QSER1: variants seen among roughly 807,000 people sequenced by gnomAD.
QSER1 encodes the protein glutamine and serine rich 1, also known as glutamine and serine-rich protein 1.
In QSER1, 49 loss-of-function variants were observed where a neutral mutation model predicts 158.5. The observed-to-expected ratio is 0.31, with a 90% CI of 0.25 to 0.39. The LOEUF is 0.39. QSER1 is among the 10% of genes least tolerant of loss of function. QSER1 has a pLI of 1.00. For missense variants in QSER1, 1,754 were observed against 2,010.3 expected, an observed-to-expected ratio of 0.87 and a Z score of 2.44; for synonymous variants, 650 against 715.5, an observed-to-expected ratio of 0.91 and a Z score of 1.46.
chr11:32,896,121 AC>A, intron 1 of QSER1, among the ~76,000 whole-genome samples: 1 of 152,302 alleles, frequency 6.6e-6, no homozygotes, highest in African/African-American at 2.4e-5. Context: ...AGTTGGAAAT[AC>A]CTTTTGGGGT....
intron 4 of QSER1, among the ~76,000 whole-genome samples, chr11:32,939,864 C>G (rs1003887027): frequency 6.6e-6 from 1 of 151,936 alleles, no homozygotes; most frequent in South Asian, 2.1e-4. Context: ...ATCCCATTCT[C>G]CAGCTCCCTT....
At position 32,933,264 on chromosome 11, in the gene QSER1, C is replaced by G; in HGVS notation, c.2006C>G (p.Pro669Arg). 6.2e-7 allele frequency: 1 copy of G among 1,613,090 alleles called. No individual in the cohort carries two copies. The highest frequency in any genetic ancestry group is 8.5e-7 in the Non-Finnish European group (1 of 1,179,720). Reference sequence around the variant, plus strand: ...ACATTACAAAATAACATAACTTCCCCTGACCCAAAGTCTTATGCTGAAAGA... The same window carrying G: ...ACATTACAAAATAACATAACTTCCCGTGACCCAAAGTCTTATGCTGAAAGA... ...CQTLQNNITS[P>R]DPKSYAERKL... is the part of the protein sequence containing the mutation. The change falls in exon 4 of 13, where the codon CCT becomes CGT. Residue 669 changes from proline (P) to arginine (R), a missense_variant. Pro to Arg is a moderately radical substitution (Grantham distance 103). Transcript: ENST00000650167.
intron 10 of QSER1, 136 bp from the exon 11 acceptor site, chr11:32,973,256 TGCAAA>T: frequency 2.4e-6 from 2 of 817,570 alleles, no homozygotes; most frequent in Non-Finnish European, 4.0e-6. Flanking sequence ...CACACCTCTC[TGCAAA>T]TAGGTGTTTG....
intron 8 of QSER1, among the ~76,000 whole-genome samples, 192 bp downstream of exon 8, chr11:32,958,278 C>T (rs1342281582): frequency 2.0e-5 from 3 of 152,212 alleles, no homozygotes; most frequent in Admixed American, 6.5e-5. Context: ...TTGGCCCACA[C>T]ATGCAGCCTT....
rs114802154 is a variant in QSER1, at chr11:32,957,829, G to A, written c.4752-40G>A. 614 of 1,475,406 alleles carry A rather than the reference G, an allele frequency of 4.2e-4. 2 individuals are homozygous for A. The African/African-American group carries it at 8.0e-3, about 19-fold the overall frequency. 91.4% of individuals were successfully genotyped at this position (1,475,406 alleles called of 1,614,324 possible). A position where few individuals can be genotyped will look rare whatever the true frequency, so the allele number is the denominator to read the frequency against. The stretch of plus-strand genomic sequence containing the variant: ...TTTCTATTTTATTTTAGTTTAACAA[G>A]ATTTCAGTGTGTTAATGAAGTTTGT... On this transcript the variant is annotated intron_variant, in intron 7 of 12. Coordinates refer to ENST00000650167, the MANE Select transcript of QSER1 (RefSeq NM_001076786.3).
intron 1 of QSER1, among the ~76,000 whole-genome samples, chr11:32,910,526 CATAGTTAACA>C (rs1851753193): frequency 6.6e-6 from 1 of 152,142 alleles, no homozygotes; most frequent in South Asian, 2.1e-4. Flanking sequence ...TTTAATACCC[CATAGTTAACA>C]ATAGGTCATG....
At chr11:32,928,530 A>C (rs1466706481) in intron 3 of QSER1, among the ~76,000 whole-genome samples, 4 of 152,180 alleles carry the variant, frequency 2.6e-5, no homozygotes, top group Non-Finnish European at 5.9e-5. Flanking sequence ...CCTTAATTGG[A>C]TAGATTAAAT....
rs531558846 is a variant in QSER1, at chr11:32,960,645, T to C, written c.4969+2559T>C. Among the ~76,000 whole-genome samples the C allele has an allele frequency of 2.0e-5, 3 of 152,326 alleles. No individual in the cohort carries two copies. In the East Asian group the frequency reaches 5.8e-4, roughly 29 times the overall value. ...ATGCATAGAAGGCATTATACATAAT[T>C]TTTGCAGTTAGCAGTCTTGCCTACT... On this transcript the variant is annotated intron_variant, in intron 8 of 12. Transcript: ENST00000650167.
chr11:32,966,012 G>A (rs1449367893), intron 8 of QSER1, among the ~76,000 whole-genome samples: 1 of 143,852 alleles, frequency 7.0e-6, no homozygotes, highest in Non-Finnish European at 1.5e-5. Flanking sequence ...CTTTTTAAGA[G>A]CATAATACTT....
chr11:32,927,046 C>A (rs1851981829), intron 1 of QSER1, 111 bp from the exon 2 acceptor site: 1 of 152,590 alleles, frequency 6.6e-6, no homozygotes, highest in Non-Finnish European at 1.5e-5. Context: ...ATCTATAGGT[C>A]AGGAAATTGG....
intron 3 of QSER1, among the ~76,000 whole-genome samples, chr11:32,931,370 A>G (rs982042329): frequency 2.0e-5 from 3 of 152,212 alleles, no homozygotes; most frequent in African/African-American, 7.2e-5. Context: ...ACTTGAGCCC[A>G]GGAGTTCAAG....
intron 4 of QSER1, among the ~76,000 whole-genome samples, chr11:32,946,199 A>T (rs1852328640): frequency 6.6e-6 from 1 of 151,900 alleles, no homozygotes; most frequent in African/African-American, 2.4e-5. Context: ...CCCGTAGCTC[A>T]GAGTAATTTG....
Position 32,955,980 on chromosome 11 carries a change from T to C in QSER1, c.4618-8T>C, listed in dbSNP as rs1852504014. Reference sequence around the variant, plus strand: ...CAATTATGTAACTCAAAGTGTTTCCTTCCTCAGTATCTTGGATATTTTGGA... The same window carrying C: ...CAATTATGTAACTCAAAGTGTTTCCCTCCTCAGTATCTTGGATATTTTGGA... On this transcript the variant is annotated splice_polypyrimidine_tract_variant and splice_region_variant and intron_variant, in intron 6 of 12. Coordinates refer to ENST00000650167, the MANE Select transcript of QSER1 (RefSeq NM_001076786.3). The C allele has an allele frequency of 6.3e-7, 1 of 1,598,096 alleles. No homozygotes were observed.
intron 4 of QSER1, among the ~76,000 whole-genome samples, chr11:32,937,493 G>A (rs1852169962): frequency 6.6e-6 from 1 of 151,708 alleles, no homozygotes; most frequent in Admixed American, 6.6e-5. Flanking sequence ...TTGCTGTATT[G>A]CCCAGGCTGG....
chr11:32,910,346 A>G (rs1201888312), intron 1 of QSER1, among the ~76,000 whole-genome samples: 3 of 152,166 alleles, frequency 2.0e-5, no homozygotes, highest in African/African-American at 7.2e-5. Flanking sequence ...ACCCTGTCTC[A>G]CAACTAAACT....
intron 4 of QSER1, among the ~76,000 whole-genome samples, chr11:32,950,840 A>G (rs1313446456): frequency 6.6e-6 from 1 of 152,266 alleles, no homozygotes; most frequent in African/African-American, 2.4e-5. Context: ...ATGCTGTAGC[A>G]TGTATCAGTA....
chr11:32,941,154 C>G (rs1031026324), intron 4 of QSER1, among the ~76,000 whole-genome samples: 6 of 151,372 alleles, frequency 4.0e-5, no homozygotes, highest in Non-Finnish European at 8.8e-5. Flanking sequence ...TCCTTTTTAG[C>G]CCAGGATTTA....
chr11:32,948,910 A>T (rs1564940713), intron 4 of QSER1, among the ~76,000 whole-genome samples: 1 of 152,070 alleles, frequency 6.6e-6, no homozygotes, highest in African/African-American at 2.4e-5. Flanking sequence ...ATTTTGGTGA[A>T]ATATTTCTTT....
chr11:32,976,405 A>G lies in QSER1; in HGVS notation c.5526A>G (p.Val1842=). 6.2e-7 allele frequency: 1 copy of G among 1,609,866 alleles called. No individual in the cohort carries two copies. The highest frequency in any genetic ancestry group is 8.5e-7 in the Non-Finnish European group (1 of 1,178,618). Residue 1842 remains valine (V), a synonymous_variant, in exon 13 of 13, where the codon GTA becomes GTG. Transcript: ENST00000650167. ...EEIVQLCMKN[V]KWVEDLFEKF... ...TTGTTCAACTTTGTATGAAAAATGT[A>G]AAATGGGTGGAGGACCTCTTTGAAA...
Sources: allele counts gnomAD v4.1 joint callset (sites outside exome capture counted in the v4.1 genomes callset), GRCh38; gene constraint gnomAD v4.1.1; transcripts MANE v1.5; gene names NCBI Gene and HGNC (gene_info 2026-07-23, HGNC 2026-07-21).